RANBP17: variants seen among roughly 807,000 people sequenced by gnomAD.
RANBP17 encodes the protein ran-binding protein 17.
In RANBP17, 158 loss-of-function variants were observed where a neutral mutation model predicts 141.2. The observed-to-expected ratio is 1.12, with a 90% CI of 0.98 to 1.28. RANBP17 has a LOEUF of 1.28. RANBP17 is among the 50% of genes most tolerant of loss of function. The pLI is 0.00. For missense variants in RANBP17, 1,438 were observed against 1,290.7 expected (o/e 1.11, Z -1.75); for synonymous variants, 430 against 450.0 (o/e 0.96, Z 0.56).
chr5:170,977,492 T>G (rs572251220), intron 14 of RANBP17, among the ~76,000 whole-genome samples: 256 of 152,194 alleles, frequency 1.7e-3, no homozygotes, highest in African/African-American at 5.7e-3. Flanking sequence ...TCTACTCTTA[T>G]GTATATATCC....
intron 14 of RANBP17, among the ~76,000 whole-genome samples, chr5:171,133,864 A>C (rs1757094631): frequency 6.6e-6 from 1 of 152,212 alleles, no homozygotes; most frequent in South Asian, 2.1e-4. Flanking sequence ...GTAATGCATC[A>C]GGAGCTGCTT....
intron 16 of RANBP17, among the ~76,000 whole-genome samples, chr5:171,174,585 T>C (rs557101708): frequency 2.0e-5 from 3 of 152,182 alleles, no homozygotes. Context: ...TTTTGAAAGA[T>C]AATTGATCAG....
intron 3 of RANBP17, among the ~76,000 whole-genome samples, chr5:170,888,240 T>C (rs1030152366): frequency 1.3e-5 from 2 of 152,372 alleles, no homozygotes; most frequent in African/African-American, 4.8e-5. Flanking sequence ...TTCATTCATA[T>C]ACACAAAATA....
chr5:171,220,636 C>T (rs1763499436), intron 21 of RANBP17, among the ~76,000 whole-genome samples: 1 of 151,768 alleles, frequency 6.6e-6, no homozygotes, highest in Admixed American at 6.6e-5. Context: ...TCAGGAGAGA[C>T]AGGGTTTCGC....
intron 14 of RANBP17, among the ~76,000 whole-genome samples, chr5:171,017,793 A>G (rs903069494): frequency 9.2e-5 from 14 of 152,198 alleles, no homozygotes; most frequent in East Asian, 1.9e-4. Flanking sequence ...TTTTGTTGCA[A>G]TTGCTTTTGG....
chr5:171,134,190 C>A (rs987969298), intron 14 of RANBP17, among the ~76,000 whole-genome samples: 5 of 152,176 alleles, frequency 3.3e-5, no homozygotes, highest in African/African-American at 7.2e-5. Context: ...GTGGGCTCTT[C>A]TTCCCCTTTA....
At chr5:171,188,892 A>G (rs1761443747) in intron 18 of RANBP17, among the ~76,000 whole-genome samples, 1 of 152,226 alleles carries the variant, frequency 6.6e-6, no homozygotes, top group Non-Finnish European at 1.5e-5. Context: ...CTTTTTGGAA[A>G]GCAAATTTGC....
chr5:170,901,326 T>TG (rs559256311), intron 5 of RANBP17, among the ~76,000 whole-genome samples: 2 of 152,248 alleles, frequency 1.3e-5, no homozygotes, highest in Non-Finnish European at 2.9e-5. Flanking sequence ...AGACTAGAAT[T>TG]GCAACCCCTG....
intron 14 of RANBP17, among the ~76,000 whole-genome samples, chr5:171,055,767 C>T (rs1783302108): frequency 6.6e-6 from 1 of 151,154 alleles, no homozygotes; most frequent in Non-Finnish European, 1.5e-5. Flanking sequence ...GGCCAGTTTT[C>T]CCAAGGGGCT....
Position 170,916,495 on chromosome 5 carries a change from A to T in RANBP17, c.865A>T (p.Thr289Ser), listed in dbSNP as rs1435774933. Reference sequence around the variant, plus strand: ...TTCATGTTTAGTTCAGTTTGCTTCGACAAGAAGGTCCTTATTTAACAGTCC... The same window carrying T: ...TTCATGTTTAGTTCAGTTTGCTTCGTCAAGAAGGTCCTTATTTAACAGTCC... ...ALSCLVQFASTRRSLFNSPER... is the reference protein window; with the variant it reads ...ALSCLVQFASSRRSLFNSPER... The change falls in exon 9 of 28, where the codon ACA (threonine) becomes TCA (serine). Residue 289 changes from threonine to serine, a missense_variant. Thr to Ser is a moderately conservative substitution (Grantham distance 58). Coordinates refer to ENST00000523189, the MANE Select transcript of RANBP17 (RefSeq NM_022897.5). 2.5e-6 allele frequency: 4 copies of T among 1,573,654 alleles called. No individual in the cohort carries two copies. In the Admixed American group the frequency reaches 5.5e-5, roughly 22 times the overall value.
At chr5:171,146,711 C>T (rs1758051567) in intron 14 of RANBP17, among the ~76,000 whole-genome samples, 1 of 152,174 alleles carries the variant, frequency 6.6e-6, no homozygotes, top group African/African-American at 2.4e-5. Flanking sequence ...GCTATGTGAG[C>T]TCAGTCTTTA....
chr5:170,937,165 T>G (rs1430255326), intron 12 of RANBP17, among the ~76,000 whole-genome samples: 1 of 152,242 alleles, frequency 6.6e-6, no homozygotes, highest in East Asian at 1.9e-4. Flanking sequence ...AATTATTTCC[T>G]TAGAATGGGA....
In RANBP17 at chr5:170,896,717, C is replaced by T. The variant is rs186008427; in HGVS notation, c.489+602C>T. On this transcript the variant is annotated intron_variant, in intron 5 of 27. Coordinates refer to ENST00000523189, the MANE Select transcript of RANBP17 (RefSeq NM_022897.5). Reference sequence around the variant, plus strand: ...TGGTGATGGGCGCCTGTAATCCCAGCTACTGGGGAAGCTGAGGCAGGAGAA... The same window carrying T: ...TGGTGATGGGCGCCTGTAATCCCAGTTACTGGGGAAGCTGAGGCAGGAGAA... Among the ~76,000 whole-genome samples, 722 of 152,304 alleles carry T rather than the reference C, an allele frequency of 4.7e-3. 3 individuals carry two copies. The highest frequency in any genetic ancestry group is 0.017 in the African/African-American group (702 of 41,572).
intron 24 of RANBP17, among the ~76,000 whole-genome samples, chr5:171,247,439 A>T (rs1398137733): frequency 6.6e-6 from 1 of 152,204 alleles, no homozygotes; most frequent in East Asian, 1.9e-4. Flanking sequence ...AGAGGAATTT[A>T]TTGGTATTGT....
chr5:171,190,636 A>G (rs1487115661), intron 18 of RANBP17, among the ~76,000 whole-genome samples: 1 of 152,182 alleles, frequency 6.6e-6, no homozygotes, highest in Admixed American at 6.5e-5. Flanking sequence ...CTAATAAACT[A>G]AAGGAAAGAT....
chr5:171,167,990 T>C (rs1360823198), intron 14 of RANBP17, among the ~76,000 whole-genome samples: 1 of 152,174 alleles, frequency 6.6e-6, no homozygotes, highest in African/African-American at 2.4e-5. Context: ...CTATTCACAT[T>C]ATAATATAGT....
chr5:171,196,122 T>A (rs1242025232), intron 18 of RANBP17, among the ~76,000 whole-genome samples: 1 of 152,068 alleles, frequency 6.6e-6, no homozygotes, highest in East Asian at 1.9e-4. Context: ...GAATGGCCAG[T>A]ATAGTAAGTC....
chr5:171,120,619 A>AT (rs1755965336), intron 14 of RANBP17, among the ~76,000 whole-genome samples: 1 of 151,638 alleles, frequency 6.6e-6, no homozygotes, highest in Non-Finnish European at 1.5e-5. Flanking sequence ...TGTTTTCTTG[A>AT]TTTTCTTGAA....
chr5:170,959,581 C>G (rs1775989015), intron 13 of RANBP17, among the ~76,000 whole-genome samples: 1 of 152,196 alleles, frequency 6.6e-6, no homozygotes, highest in Non-Finnish European at 1.5e-5. Flanking sequence ...ACCTTCCACA[C>G]AGTTGAAAAT....
Sources: allele counts gnomAD v4.1 joint callset (sites outside exome capture counted in the v4.1 genomes callset), GRCh38; gene constraint gnomAD v4.1.1; transcripts MANE v1.5; gene names NCBI Gene and HGNC (gene_info 2026-07-23, HGNC 2026-07-21).